The following ATG12 variants were observed in gnomAD, a reference collection of about 807,000 sequenced individuals.
ATG12 encodes the protein autophagy related 12.
ATG12 carries 19 observed loss-of-function variants against 17.6 expected under a neutral mutation model. That is an observed-to-expected ratio of 1.08 (90% CI 0.75 to 1.58). The LOEUF is 1.58. Among genes scored for constraint, ATG12 ranks in the 40% most tolerant of loss-of-function variants. The pLI, the probability that ATG12 is intolerant of heterozygous loss-of-function variation, is 0.00. For missense variants in ATG12, 214 were observed against 162.0 expected (o/e 1.32, Z -1.74); for synonymous variants, 75 against 62.4 (o/e 1.20, Z -0.95).
intron 1 of ATG12, chr5:115,838,223 T>C (rs1445869367): frequency 6.6e-6 from 1 of 152,296 alleles, no homozygotes; most frequent in Admixed American, 6.5e-5. Flanking sequence ...GATTCAATAA[T>C]ACTTCTAGGA....
chr5:115,831,853 C>T lies in ATG12; in HGVS notation c.374G>A (p.Ser125Asn), dbSNP rs1230069973. The part of the protein sequence containing the change: ...EVGTLYECFG[S>N]DGKLVLHYCK... ...GTAATGTAAAACCAGTTTACCATCA[C>T]TGCCAAAACACTACAAAAAAAAAAG... The change falls in exon 4 of 4, where the codon AGT becomes AAT. Residue 125 changes from serine (S) to asparagine (N), a missense_variant. Physicochemically the swap from Ser to Asn is conservative, Grantham distance 46. Transcript: ENST00000509910. 1 of 1,610,676 alleles carries T rather than the reference C, an allele frequency of 6.2e-7. No individual in the cohort carries two copies. The highest frequency in any genetic ancestry group is 8.5e-7 in the Non-Finnish European group (1 of 1,178,848).
intron 2 of ATG12, among the ~76,000 whole-genome samples, chr5:115,836,408 T>G (rs886401130): frequency 6.6e-6 from 1 of 152,240 alleles, no homozygotes; most frequent in Middle Eastern, 3.2e-3. Context: ...CAACTCTTCA[T>G]GTTGCATCTT....
At chr5:115,837,820 G>A in intron 1 of ATG12, 56 bp from the exon 2 acceptor site, 1 of 1,421,666 alleles carries the variant, frequency 7.0e-7, no homozygotes, top group Non-Finnish European at 9.5e-7. Flanking sequence ...TAAAGAGAAT[G>A]GAATATAAAA....
intron 1 of ATG12, chr5:115,839,529 T>C (rs985752009): frequency 6.6e-6 from 1 of 152,192 alleles, no homozygotes; most frequent in Non-Finnish European, 1.5e-5. Flanking sequence ...TCATGAGTTA[T>C]GCTACCAAGG....
chr5:115,840,690 C>T, intron 1 of ATG12: 3 of 1,200,500 alleles, frequency 2.5e-6, no homozygotes, highest in Non-Finnish European at 3.2e-6. Flanking sequence ...CTGCTTTTCC[C>T]ATAGGCAACT....
chr5:115,840,834 G>A, intron 1 of ATG12: 1 of 1,246,498 alleles, frequency 8.0e-7, no homozygotes, highest in Non-Finnish European at 1.0e-6. Context: ...TCCAAAATGT[G>A]TTTCTTAAAA....
In ATG12 at chr5:115,830,379, T is replaced by C. The variant is rs1355684594; in HGVS notation, c.*1425A>G. On this transcript the variant is annotated 3_prime_UTR_variant, in exon 4 of 4. Coordinates refer to ENST00000509910, the MANE Select transcript of ATG12 (RefSeq NM_004707.4). ...TATTTTTATTTGTTAAATATATGAATATAATTAAATATATTCCTTCAGTAA... is the reference window on the plus strand; with the variant it reads ...TATTTTTATTTGTTAAATATATGAACATAATTAAATATATTCCTTCAGTAA... 2 of 152,158 alleles carry C rather than the reference T, an allele frequency of 1.3e-5. No homozygotes were observed. The highest frequency in any genetic ancestry group is 4.8e-5 in the African/African-American group (2 of 41,448). The allele number at this position is 152,158 out of a possible 1,614,324, so 9.4% of individuals were successfully genotyped here.
rs1377275478 is a variant in ATG12, at chr5:115,830,357, TTTTA to T, written c.*1443_*1446del. On this transcript the variant is annotated 3_prime_UTR_variant, in exon 4 of 4. Transcript: ENST00000509910. The stretch of plus-strand genomic sequence containing the variant: ...CAAACAATACGAAAATTCAACATAT[TTTTA>T]TTTGTTAAATATATGAATATAATTA... The T allele has an allele frequency of 5.3e-5, 8 of 152,232 alleles. No individual in the cohort carries two copies. Among genetic ancestry groups the T allele is most frequent in the East Asian group, 3.9e-4 (2 of 5,188 alleles). 9.4% of individuals were successfully genotyped at this position (152,232 alleles called of 1,614,324 possible).
In ATG12 at chr5:115,832,571, C is replaced by CTTTTTTTTTTT. The variant is rs35310189; in HGVS notation, c.363+20_363+30dup. The CTTTTTTTTTTT allele has an allele frequency of 1.2e-5, 10 of 802,446 alleles. No homozygotes were observed. In the African/African-American group the frequency reaches 1.6e-4, roughly 13 times the overall value. 49.7% of individuals were successfully genotyped at this position (802,446 alleles called of 1,614,324 possible). A position where few individuals can be genotyped will look rare whatever the true frequency, so the allele number is the denominator to read the frequency against. On this transcript the variant is annotated intron_variant, in intron 3 of 3. Transcript: ENST00000509910. ...AAGAAAAAAAAGCAGTAATTTCTTT[C>CTTTTTTTTTTT]TTTTTTTTTTTTTTTTTTTTTTTTT...
intron 2 of ATG12, among the ~76,000 whole-genome samples, chr5:115,837,066 T>G (rs1387157864): frequency 2.6e-5 from 4 of 152,208 alleles, no homozygotes; most frequent in African/African-American, 4.8e-5. Context: ...GATATTGCAA[T>G]GCTCTATGAT....
At chr5:115,838,596 C>T (rs949041933) in intron 1 of ATG12, 4 of 152,186 alleles carry the variant, frequency 2.6e-5, no homozygotes, top group South Asian at 2.1e-4. Context: ...TTTACTTATG[C>T]TGTTTGTAAC....
chr5:115,832,676 G>A lies in ATG12; in HGVS notation c.301-12C>T, dbSNP rs1326636245. 1 of 1,503,030 alleles carries A rather than the reference G, an allele frequency of 6.7e-7. No homozygotes were observed. The highest frequency in any genetic ancestry group is 8.8e-7 in the Non-Finnish European group (1 of 1,134,802). The allele number at this position is 1,503,030 out of a possible 1,614,324, so 93.1% of individuals were successfully genotyped here. A position where few individuals can be genotyped will look rare whatever the true frequency, so the allele number is the denominator to read the frequency against. On this transcript the variant is annotated splice_polypyrimidine_tract_variant and intron_variant, in intron 2 of 3. Coordinates refer to ENST00000509910, the MANE Select transcript of ATG12 (RefSeq NM_004707.4). The stretch of plus-strand genomic sequence containing the variant: ...TTCACATAAATAAACTACAAGAAAG[G>A]AAGGAAAAACAGAGATGTTTAATGG...
intron 1 of ATG12, 103 bp downstream of exon 1, chr5:115,841,287 T>C (rs780488874): frequency 2.0e-6 from 3 of 1,483,706 alleles, no homozygotes; most frequent in Admixed American, 2.0e-5. Flanking sequence ...AATGCAGGTC[T>C]AGGACAGGCG....
intron 2 of ATG12, among the ~76,000 whole-genome samples, chr5:115,837,260 C>A (rs770076444): frequency 6.6e-6 from 1 of 152,092 alleles, no homozygotes; most frequent in Non-Finnish European, 1.5e-5. Flanking sequence ...AGAGATAAGG[C>A]AGGGCACAGT....
chr5:115,840,891 C>CG (rs756330101), intron 1 of ATG12: 8 of 1,288,196 alleles, frequency 6.2e-6, no homozygotes, highest in South Asian at 6.2e-5. Context: ...CTTCATTCTG[C>CG]ATAAGAATTT....
intron 2 of ATG12, among the ~76,000 whole-genome samples, chr5:115,836,564 A>T (rs552080072): frequency 1.1e-4 from 17 of 152,318 alleles, no homozygotes; most frequent in Middle Eastern, 3.4e-3. Flanking sequence ...ACAAAAAGAA[A>T]TTCCAACATG....
At chr5:115,831,925 AAG>A in intron 3 of ATG12, 62 bp from the exon 4 acceptor site, 3 of 1,458,776 alleles carry the variant, frequency 2.1e-6, no homozygotes, top group Non-Finnish European at 2.8e-6. Flanking sequence ...TGAAACTAAG[AAG>A]ATAAATGCCA....
intron 2 of ATG12, among the ~76,000 whole-genome samples, 175 bp downstream of exon 2, chr5:115,837,453 C>A (rs1415657962): frequency 6.7e-6 from 1 of 149,968 alleles, no homozygotes; most frequent in Non-Finnish European, 1.5e-5. Flanking sequence ...GCCTGGGCAA[C>A]AGAGCGAGAC....
rs1241587049 is a variant in ATG12, at chr5:115,831,260, T to C, written c.*544A>G. On this transcript the variant is annotated 3_prime_UTR_variant, in exon 4 of 4. Transcript: ENST00000509910. ...TCCTGGCTAGATATTAGCTAAAAAT[T>C]AGCAAAAACAGCCATTTCCCCTATT... 6 of 153,976 alleles carry C rather than the reference T, an allele frequency of 3.9e-5. No homozygotes were observed. In the Admixed American group the frequency reaches 3.9e-4, roughly 10 times the overall value. 9.5% of individuals were successfully genotyped at this position (153,976 alleles called of 1,614,324 possible).
Sources: allele counts gnomAD v4.1 joint callset (sites outside exome capture counted in the v4.1 genomes callset), GRCh38; gene constraint gnomAD v4.1.1; transcripts MANE v1.5; gene names NCBI Gene and HGNC (gene_info 2026-07-23, HGNC 2026-07-21).